The following IKZF2 variants were observed in gnomAD, a reference collection of about 807,000 sequenced individuals.
The protein encoded by IKZF2 is zinc finger protein Helios.
In IKZF2, 15 loss-of-function variants were observed where a neutral mutation model predicts 49.2. That is an observed-to-expected ratio of 0.30 (90% CI 0.20 to 0.47). The LOEUF is 0.47. Ranked by LOEUF, IKZF2 falls within the 20% of genes least tolerant of loss-of-function variation. The probability of loss-of-function intolerance (pLI) is 1.00; values close to 1 mark genes in which losing one functional copy is unlikely to be tolerated. For synonymous variants in IKZF2, 227 were observed against 221.4 expected (o/e 1.03, Z -0.23); for missense variants, 567 against 664.6 (o/e 0.85, Z 1.61).
intron 4 of IKZF2, among the ~76,000 whole-genome samples, chr2:213,124,283 CA>C (rs150491341): frequency 0.01 from 1,535 of 148,306 alleles, 32 homozygotes; most frequent in African/African-American, 0.038. Context: ...CACACACACA[CA>C]CACACACACA....
intron 4 of IKZF2, among the ~76,000 whole-genome samples, chr2:213,120,480 A>G (rs2060018692): frequency 6.6e-6 from 1 of 152,362 alleles, no homozygotes; most frequent in East Asian, 1.9e-4. Flanking sequence ...GCTGAAGCAC[A>G]GTATATGTGA....
intron 4 of IKZF2, among the ~76,000 whole-genome samples, chr2:213,106,845 T>C (rs2059549797): frequency 1.3e-5 from 2 of 152,116 alleles, no homozygotes; most frequent in African/African-American, 4.8e-5. Context: ...ATTTAACATG[T>C]GATTAATATG....
chr2:213,144,075 C>T (rs951889104), intron 4 of IKZF2, among the ~76,000 whole-genome samples: 4 of 151,834 alleles, frequency 2.6e-5, no homozygotes, highest in African/African-American at 9.7e-5. Flanking sequence ...TTCTGCTTCG[C>T]TAGGTTCTAA....
At position 213,120,215 on chromosome 2, in the gene IKZF2, T is replaced by C. The variant is rs2060006876; in HGVS notation, c.139+27493A>G. The stretch of plus-strand genomic sequence containing the variant: ...CCCCAGAGGAGCTCAAAATCTAATA[T>C]GGGAGACAAAGACATAAAACAATAG... On this transcript the variant is annotated intron_variant, in intron 4 of 8. Transcript: ENST00000434687. 2.0e-5 allele frequency among the ~76,000 whole-genome samples: 3 copies of C among 152,238 alleles called. No homozygotes were observed. The South Asian group carries it at 6.2e-4, about 32-fold the overall frequency.
At chr2:213,131,466 G>T (rs2060471744) in intron 4 of IKZF2, among the ~76,000 whole-genome samples, 1 of 152,066 alleles carries the variant, frequency 6.6e-6, no homozygotes, top group African/African-American at 2.4e-5. Context: ...CTTTTAAATT[G>T]TATCTTTAAG....
rs1160064248 is a variant in IKZF2 at position 213,095,490 on chromosome 2, C to A, written c.140-38391G>T. On this transcript the variant is annotated intron_variant, in intron 4 of 8. Transcript: ENST00000434687. ...TGTCTTAGAAAAAGATTTGAATAAT[C>A]TTCAATGAAGAGCTTTAAAAAATAA... is the stretch of plus-strand genomic sequence containing the variant. 3.3e-5 allele frequency among the ~76,000 whole-genome samples: 5 copies of A among 151,918 alleles called. No individual in the cohort carries two copies. In the South Asian group the frequency reaches 1.0e-3, roughly 31 times the overall value.
intron 4 of IKZF2, among the ~76,000 whole-genome samples, chr2:213,147,193 C>T (rs1439385821): frequency 1.3e-5 from 2 of 152,110 alleles, no homozygotes; most frequent in Non-Finnish European, 2.9e-5. Context: ...AACTTTGCTA[C>T]AGAAATGGAT....
intron 4 of IKZF2, among the ~76,000 whole-genome samples, chr2:213,117,126 C>T (rs756804751): frequency 2.0e-5 from 3 of 151,936 alleles, no homozygotes; most frequent in African/African-American, 4.8e-5. Context: ...TGCTGAACAG[C>T]GAAAGAAATT....
At chr2:213,130,222 A>G (rs1443643040) in intron 4 of IKZF2, among the ~76,000 whole-genome samples, 4 of 152,222 alleles carry the variant, frequency 2.6e-5, no homozygotes, top group Non-Finnish European at 5.9e-5. Flanking sequence ...TCTAGAAAAT[A>G]AAAACACTTG....
Position 213,049,713 on chromosome 2 carries a change from C to T in IKZF2, c.574G>A (p.Val192Met). Residue 192 changes from valine (V) to methionine (M), a missense_variant and splice_region_variant, in exon 6 of 9, where the codon GTG becomes ATG. Physicochemically the swap from Val to Met is conservative, Grantham distance 21. Coordinates refer to ENST00000434687, the MANE Select transcript of IKZF2 (RefSeq NM_001387220.1). ...TTCTCAAGGAGTTGGTGACACTTAC[C>T]AGAATGGGTCCTGAGGTGTCCTGTG... ...ALTGHLRTHS[V>M]GKPHKCNYCG... is the part of the protein sequence containing the mutation. 1 of 1,556,734 alleles carries T rather than the reference C, an allele frequency of 6.4e-7. No homozygotes were observed. The highest frequency in any genetic ancestry group is 1.4e-5 in the African/African-American group (1 of 72,782).
At chr2:213,046,943 A>G (rs1174636007) in intron 6 of IKZF2, among the ~76,000 whole-genome samples, 4 of 152,058 alleles carry the variant, frequency 2.6e-5, no homozygotes, top group Non-Finnish European at 2.9e-5. Context: ...CCTCTTCTCT[A>G]TGACTGATTT....
intron 4 of IKZF2, among the ~76,000 whole-genome samples, chr2:213,121,679 G>A (rs897914584): frequency 1.3e-5 from 2 of 152,116 alleles, no homozygotes; most frequent in African/African-American, 4.8e-5. Flanking sequence ...GTACAATAAA[G>A]AAAAACAAAA....
intron 6 of IKZF2, 70 bp downstream of exon 6, chr2:213,049,643 C>T: frequency 1.7e-6 from 2 of 1,187,890 alleles, no homozygotes; most frequent in East Asian, 2.5e-5. Context: ...AGCCATGTTA[C>T]TATCATTCAA....
In IKZF2 at chr2:213,006,263, C is replaced by T. The variant is rs1695338653; in HGVS notation, c.*1097G>A. 6.6e-6 allele frequency: 1 copy of T among 152,222 alleles called. No homozygotes were observed. Among genetic ancestry groups the T allele is most frequent in the African/African-American group, 2.4e-5 (1 of 41,320 alleles). 9.4% of individuals were successfully genotyped at this position (152,222 alleles called of 1,614,324 possible). A position where few individuals can be genotyped will look rare whatever the true frequency, so the allele number is the denominator to read the frequency against. On this transcript the variant is annotated 3_prime_UTR_variant, in exon 9 of 9. Transcript: ENST00000434687. ...ACTCGAAGAGTAAAGGATGAATGAA[C>T]TATGGACAGAACACCGGGAGGTCAC... is the stretch of plus-strand genomic sequence containing the variant.
intron 4 of IKZF2, among the ~76,000 whole-genome samples, chr2:213,081,610 A>G (rs1703962385): frequency 1.3e-5 from 2 of 152,228 alleles, no homozygotes; most frequent in South Asian, 4.1e-4. Context: ...ACCTTGAAAC[A>G]TGAAGTTTCA....
chr2:213,124,413 G>T (rs553298340), intron 4 of IKZF2, among the ~76,000 whole-genome samples: 43 of 152,266 alleles, frequency 2.8e-4, no homozygotes, highest in African/African-American at 1.0e-3. Context: ...GGGGGAAAGG[G>T]ATACAGGTAC....
chr2:213,007,950 C>T lies in IKZF2; in HGVS notation c.991G>A (p.Glu331Lys). 9 of 1,613,558 alleles carry T rather than the reference C, an allele frequency of 5.6e-6. No individual in the cohort carries two copies. Among genetic ancestry groups the T allele is most frequent in the Non-Finnish European group, 7.6e-6 (9 of 1,179,724 alleles). ...INNAITYLGA[E>K]ALHPLMQHPP... Reference sequence around the variant, plus strand: ...TGCTGCATCAGAGGGTGAAGGGCCTCAGCTCCAAGGTAGGTGATTGCATTG... The same window carrying T: ...TGCTGCATCAGAGGGTGAAGGGCCTTAGCTCCAAGGTAGGTGATTGCATTG... Residue 331 changes from glutamate to lysine, a missense_variant, in exon 9 of 9, where the codon GAG becomes AAG. Glu to Lys is a moderately conservative substitution (Grantham distance 56, BLOSUM62 1). Coordinates refer to ENST00000434687, the MANE Select transcript of IKZF2 (RefSeq NM_001387220.1).
At chr2:213,105,570 G>A (rs993403716) in intron 4 of IKZF2, among the ~76,000 whole-genome samples, 3 of 137,924 alleles carry the variant, frequency 2.2e-5, no homozygotes, top group African/African-American at 5.6e-5. Context: ...ATTTAAAGAA[G>A]TGTAGTGTGT....
chr2:213,044,323 A>C (rs576764725), intron 6 of IKZF2, among the ~76,000 whole-genome samples: 3 of 152,240 alleles, frequency 2.0e-5, no homozygotes, highest in South Asian at 4.1e-4. Context: ...TCTTTTGTGA[A>C]TATTTGTCTT....
Sources: gnomAD v4.1 joint callset for allele counts (sites outside exome capture counted in the v4.1 genomes callset) on GRCh38, gnomAD v4.1.1 for gene constraint, MANE v1.5 for transcripts, NCBI Gene and HGNC (gene_info 2026-07-23, HGNC 2026-07-21) for gene names.